Variants in ATAD2B observed in about 807,000 individuals in gnomAD.
ATAD2B encodes ATPase family AAA domain-containing protein 2B.
Under a neutral mutation model 167.6 loss-of-function variants are expected in ATAD2B, and 40 were observed. The ratio of observed to expected loss-of-function variants is 0.24; its 90% CI spans 0.19 to 0.31. The LOEUF is 0.31. Ranked by LOEUF, ATAD2B falls within the 10% of genes least tolerant of loss-of-function variation. The probability of loss-of-function intolerance (pLI) is 1.00; values close to 1 mark genes in which losing one functional copy is unlikely to be tolerated. For missense variants in ATAD2B, 1,242 were observed against 1,757.2 expected (o/e 0.71, Z 5.24); for synonymous variants, 579 against 596.5 (o/e 0.97, Z 0.43).
chr2:23,738,989 A>T, the ATAD2B span, among the ~76,000 whole-genome samples: 2 of 152,236 alleles, frequency 1.3e-5, no homozygotes, highest in Non-Finnish European at 2.9e-5. Flanking sequence ...CAATTCAACA[A>T]GAAGAACTAA....
intron 6 of ATAD2B, among the ~76,000 whole-genome samples, chr2:23,882,213 A>T (rs1299571964): frequency 1.3e-5 from 2 of 150,226 alleles, no homozygotes; most frequent in South Asian, 2.1e-4. Context: ...TTTTATTTTT[A>T]TTTTTTTTGA....
the ATAD2B span, among the ~76,000 whole-genome samples, chr2:23,712,986 A>G: frequency 1.1e-3 from 168 of 152,342 alleles, 1 homozygote; most frequent in African/African-American, 3.9e-3. Context: ...AGCACCAGCC[A>G]GATTACCCCA....
chr2:23,849,128 T>C (rs1202548103), intron 13 of ATAD2B, among the ~76,000 whole-genome samples: 1 of 152,092 alleles, frequency 6.6e-6, no homozygotes, highest in African/African-American at 2.4e-5. Context: ...AATTCAAATA[T>C]ATCAATAATT....
chr2:23,813,572 C>CA (rs1303440971), intron 17 of ATAD2B, among the ~76,000 whole-genome samples: 1 of 144,640 alleles, frequency 6.9e-6, no homozygotes. Context: ...CCCATCTCTA[C>CA]AAAAAATTAA....
At chr2:23,706,377 C>A in the ATAD2B span, 2 of 909,786 alleles carry the variant, frequency 2.2e-6, no homozygotes, top group Admixed American at 4.1e-5. Context: ...ATGCCTTCTG[C>A]AAAAGGCACA....
At chr2:23,922,533 G>C (rs1704093368) in intron 1 of ATAD2B, among the ~76,000 whole-genome samples, 1 of 152,010 alleles carries the variant, frequency 6.6e-6, no homozygotes, top group Admixed American at 6.6e-5. Context: ...GCAATCTACA[G>C]ATTAAGAGAA....
At chr2:23,867,969 T>G (rs1425824597) in intron 9 of ATAD2B, 23 bp from the exon 10 acceptor site, 1 of 1,482,442 alleles carries the variant, frequency 6.7e-7, no homozygotes, top group African/African-American at 1.4e-5. Context: ...AAAGTGCAAG[T>G]AAAGTTGCAT....
At chr2:23,793,097 AG>A (rs1319857555) in intron 19 of ATAD2B, among the ~76,000 whole-genome samples, 4 of 151,422 alleles carry the variant, frequency 2.6e-5, no homozygotes, top group African/African-American at 9.7e-5. Context: ...CATTAATCTG[AG>A]TTTTCAATGC....
chr2:23,897,889 C>A (rs931778751), intron 1 of ATAD2B, among the ~76,000 whole-genome samples: 1 of 152,172 alleles, frequency 6.6e-6, no homozygotes, highest in Admixed American at 6.5e-5. Flanking sequence ...GTTACTGAGG[C>A]GTCACTGCAA....
chr2:23,704,140 A>G, the ATAD2B span, among the ~76,000 whole-genome samples: 1 of 152,216 alleles, frequency 6.6e-6, no homozygotes, highest in Non-Finnish European at 1.5e-5. Flanking sequence ...CCCTGCTCTC[A>G]GTGAGAGGTG....
At chr2:23,826,878 T>C (rs984026419) in intron 15 of ATAD2B, among the ~76,000 whole-genome samples, 4 of 152,152 alleles carry the variant, frequency 2.6e-5, no homozygotes, top group Non-Finnish European at 5.9e-5. Context: ...CTCTAAGAAC[T>C]TGGGAATTTC....
chr2:23,836,938 G>T (rs751195981), intron 13 of ATAD2B, among the ~76,000 whole-genome samples: 1 of 152,144 alleles, frequency 6.6e-6, no homozygotes, highest in Non-Finnish European at 1.5e-5. Context: ...CCAGTCTGTG[G>T]GACTGGCAGC....
the ATAD2B span, chr2:23,706,465 C>T: frequency 6.6e-5 from 96 of 1,461,418 alleles, no homozygotes; most frequent in African/African-American, 5.7e-4. Flanking sequence ...ACTCTGTCCC[C>T]GCTTTCCCCC....
intron 1 of ATAD2B, among the ~76,000 whole-genome samples, chr2:23,921,186 A>G (rs1703867101): frequency 7.3e-6 from 1 of 136,784 alleles, no homozygotes; most frequent in Admixed American, 7.9e-5. Flanking sequence ...AGCCTGAGCT[A>G]CAGAGTAAGA....
intron 1 of ATAD2B, among the ~76,000 whole-genome samples, chr2:23,926,207 AG>A (rs374444545): frequency 6.6e-6 from 1 of 152,168 alleles, no homozygotes. Flanking sequence ...CCTTCCACCC[AG>A]GGGCTCTGGC....
chr2:23,872,610 T>C lies in ATAD2B; in HGVS notation c.978-2849A>G. ...TGCCTGCGATCCTTACTAATGTTGCTGTAGAAAGGATGGTCAGGCTCCATC... is the reference window on the plus strand; with the variant it reads ...TGCCTGCGATCCTTACTAATGTTGCCGTAGAAAGGATGGTCAGGCTCCATC... On this transcript the variant is annotated intron_variant, in intron 8 of 27. Coordinates refer to ENST00000238789, the MANE Select transcript of ATAD2B (RefSeq NM_017552.4). The C allele has an allele frequency of 3.0e-6, 4 of 1,314,868 alleles. No individual in the cohort carries two copies. In the South Asian group the frequency reaches 4.7e-5, roughly 15 times the overall value. 81.5% of individuals were successfully genotyped at this position (1,314,868 alleles called of 1,614,324 possible).
intron 17 of ATAD2B, among the ~76,000 whole-genome samples, chr2:23,818,077 AACACACAC>A (rs10559795): frequency 7.0e-6 from 1 of 142,266 alleles, no homozygotes; most frequent in Non-Finnish European, 1.5e-5. Context: ...AACACACATA[AACACACAC>A]ACACACACAT....
chr2:23,683,725 G>C, the ATAD2B span, among the ~76,000 whole-genome samples: 1 of 152,228 alleles, frequency 6.6e-6, no homozygotes, highest in Non-Finnish European at 1.5e-5. Flanking sequence ...GAGAGGGTGG[G>C]TGTCCTGAGA....
Position 23,758,008 on chromosome 2 carries a change from T to A in ATAD2B, c.3488A>T (p.Asp1163Val), listed in dbSNP as rs377703574. Residue 1163 changes from aspartate (D) to valine (V), a missense_variant, in exon 25 of 28, where the codon GAC becomes GTC. Physicochemically the swap from Asp to Val is radical, Grantham distance 152. Coordinates refer to ENST00000238789, the MANE Select transcript of ATAD2B (RefSeq NM_017552.4). ...KVNNLKKDEEDTKFADYENHT... is the reference protein window; with the variant it reads ...KVNNLKKDEEVTKFADYENHT... ...GTTCTCATAGTCTGCAAATTTGGTGTCTTCTTCATCTTTTTTTAAATTATT... is the reference window on the plus strand; with the variant it reads ...GTTCTCATAGTCTGCAAATTTGGTGACTTCTTCATCTTTTTTTAAATTATT... 1 of 1,610,746 alleles carries A rather than the reference T, an allele frequency of 6.2e-7. No homozygotes were observed. Among genetic ancestry groups the A allele is most frequent in the African/African-American group, 1.3e-5 (1 of 74,622 alleles).
Sources: allele counts gnomAD v4.1 joint callset (sites outside exome capture counted in the v4.1 genomes callset), GRCh38; gene constraint gnomAD v4.1.1; transcripts MANE v1.5; gene names NCBI Gene and HGNC (gene_info 2026-07-23, HGNC 2026-07-21).